The following PPP1R21 variants were observed in gnomAD, a reference collection of about 807,000 sequenced individuals.
PPP1R21 encodes protein phosphatase 1 regulatory subunit 21, also known as KLRAQ motif containing 1.
In PPP1R21, 85 loss-of-function variants were observed where a neutral mutation model predicts 112.8. The ratio of observed to expected loss-of-function variants is 0.75; its 90% CI spans 0.63 to 0.90. PPP1R21 has a LOEUF of 0.90. Among genes scored for constraint, PPP1R21 ranks in the 40% least tolerant of loss-of-function variants. The pLI, the probability that PPP1R21 is intolerant of heterozygous loss-of-function variation, is 0.00. For synonymous variants in PPP1R21, 381 were observed against 322.3 expected (o/e 1.18, Z -1.95); for missense variants, 1,199 against 901.5 (o/e 1.33, Z -4.23).
chr2:48,469,639 T>C (rs959035634), intron 9 of PPP1R21, among the ~76,000 whole-genome samples: 2 of 148,802 alleles, frequency 1.3e-5, no homozygotes, highest in African/African-American at 4.9e-5. Flanking sequence ...TTGTCCATTA[T>C]TGGAATTTTA....
intron 9 of PPP1R21, among the ~76,000 whole-genome samples, chr2:48,468,873 G>T (rs987925528): frequency 5.8e-5 from 8 of 137,196 alleles, no homozygotes; most frequent in Non-Finnish European, 6.5e-5. Context: ...ATATATGTAT[G>T]TGTGTATATA....
At chr2:48,449,581 C>G (rs753784350) in intron 1 of PPP1R21, among the ~76,000 whole-genome samples, 3 of 152,246 alleles carry the variant, frequency 2.0e-5, no homozygotes, top group Non-Finnish European at 4.4e-5. Context: ...TGCATTTTAT[C>G]TCAGAATCTT....
chr2:48,453,471 G>A (rs1667573381), intron 2 of PPP1R21, among the ~76,000 whole-genome samples: 1 of 152,102 alleles, frequency 6.6e-6, no homozygotes. Flanking sequence ...GGGATTACAG[G>A]CATGAGCCAC....
rs762946506 is a variant in PPP1R21 at position 48,459,853 on chromosome 2, G to A, written c.475G>A (p.Asp159Asn). 1.2e-6 allele frequency: 2 copies of A among 1,614,094 alleles called. No individual in the cohort carries two copies. Among genetic ancestry groups the A allele is most frequent in the African/African-American group, 2.7e-5 (2 of 74,930 alleles). ...TEAAQHQAVV[D>N]GLTRKYMETI... ...AGCAGCCCAGCACCAAGCTGTGGTTGACGGTCTCACCCGGAAGTACATGGA... is the reference window on the plus strand; with the variant it reads ...AGCAGCCCAGCACCAAGCTGTGGTTAACGGTCTCACCCGGAAGTACATGGA... The change falls in exon 5 of 22, where the codon GAC becomes AAC. Residue 159 changes from aspartate (D) to asparagine (N), a missense_variant. By Grantham distance (23) the Asp-to-Asn change is conservative. Coordinates refer to ENST00000294952, the MANE Select transcript of PPP1R21 (RefSeq NM_001135629.3).
intron 15 of PPP1R21, 148 bp from the exon 16 acceptor site, chr2:48,495,531 G>A (rs72822239): frequency 0.034 from 18,995 of 560,916 alleles, 457 homozygotes; most frequent in Non-Finnish European, 0.049. Flanking sequence ...AATTATCTTC[G>A]TTTTCACGTG....
intron 21 of PPP1R21, 137 bp from the exon 22 acceptor site, chr2:48,514,578 A>G (rs1474154969): frequency 1.4e-6 from 1 of 699,648 alleles, no homozygotes; most frequent in Admixed American, 2.4e-5. Context: ...TAACAATGCA[A>G]GGTTATCAGC....
chr2:48,462,251 C>A (rs1214933230), intron 7 of PPP1R21, among the ~76,000 whole-genome samples: 1 of 152,188 alleles, frequency 6.6e-6, no homozygotes, highest in Non-Finnish European at 1.5e-5. Context: ...ATTTAAAGAT[C>A]ATTTGCTGAG....
chr2:48,449,056 T>G (rs1487844160), intron 1 of PPP1R21, among the ~76,000 whole-genome samples: 2 of 151,686 alleles, frequency 1.3e-5, no homozygotes, highest in Non-Finnish European at 2.9e-5. Flanking sequence ...ATACTAGTAT[T>G]GCTAGTTATC....
chr2:48,483,220 G>A (rs1408340076), intron 13 of PPP1R21, among the ~76,000 whole-genome samples: 1 of 9,180 alleles, frequency 1.1e-4, no homozygotes, highest in African/African-American at 3.9e-4. Flanking sequence ...TTTTTTTTTT[G>A]AGACAAGTCT....
chr2:48,495,298 G>T (rs1406935865), intron 15 of PPP1R21, among the ~76,000 whole-genome samples: 1 of 152,088 alleles, frequency 6.6e-6, no homozygotes, highest in Non-Finnish European at 1.5e-5. Context: ...CCGCCTCCCA[G>T]GTTCAAGTGA....
At chr2:48,451,097 G>A in intron 2 of PPP1R21, 21 bp downstream of exon 2, 7 of 1,597,934 alleles carry the variant, frequency 4.4e-6, no homozygotes, top group Non-Finnish European at 6.0e-6. Context: ...GGATATTTGT[G>A]TTGTGAGGGT....
Position 48,511,383 on chromosome 2 carries a change from G to A in PPP1R21, c.2228G>A (p.Ser743Asn), listed in dbSNP as rs764505234. 1.2e-6 allele frequency: 2 copies of A among 1,614,088 alleles called. No homozygotes were observed. Among genetic ancestry groups the A allele is most frequent in the Non-Finnish European group, 8.5e-7 (1 of 1,180,008 alleles). ...TTKRSYEDQLSMMSDHLCSMN... is the reference protein window; with the variant it reads ...TTKRSYEDQLNMMSDHLCSMN... The stretch of plus-strand genomic sequence containing the variant: ...AAGAGGAGTTACGAGGATCAGTTAA[G>A]TATGATGAGTGACCACCTGTGCAGC... The change falls in exon 21 of 22, where the codon AGT becomes AAT. Residue 743 changes from serine to asparagine, a missense_variant. Coordinates refer to ENST00000294952, the MANE Select transcript of PPP1R21 (RefSeq NM_001135629.3).
intron 1 of PPP1R21, among the ~76,000 whole-genome samples, chr2:48,445,908 A>G (rs1667225425): frequency 6.6e-6 from 1 of 152,216 alleles, no homozygotes. Flanking sequence ...TTAAAATGTT[A>G]GAACTGGAAG....
At chr2:48,456,417 G>T (rs561097305) in intron 3 of PPP1R21, among the ~76,000 whole-genome samples, 24 of 152,300 alleles carry the variant, frequency 1.6e-4, no homozygotes, top group African/African-American at 4.8e-4. Flanking sequence ...ATGGCCAGAA[G>T]AGCACAGGCT....
chr2:48,440,818 G>T lies in PPP1R21; in HGVS notation c.-136G>T. The T allele has an allele frequency of 7.8e-6, 5 of 643,556 alleles. No homozygotes were observed. Among genetic ancestry groups the T allele is most frequent in the Non-Finnish European group, 1.4e-5 (5 of 364,352 alleles). 39.9% of individuals were successfully genotyped at this position (643,556 alleles called of 1,614,324 possible). A position where few individuals can be genotyped will look rare whatever the true frequency, so the allele number is the denominator to read the frequency against. On this transcript the variant is annotated 5_prime_UTR_variant, in exon 1 of 22. Coordinates refer to ENST00000294952, the MANE Select transcript of PPP1R21 (RefSeq NM_001135629.3). Reference sequence around the variant, plus strand: ...CCGGAAGTGGAGGAGGAGGCGCGGCGGCGGCGGCGGCGGCGGCTGCGGTGG... The same window carrying T: ...CCGGAAGTGGAGGAGGAGGCGCGGCTGCGGCGGCGGCGGCGGCTGCGGTGG...
intron 16 of PPP1R21, among the ~76,000 whole-genome samples, chr2:48,496,205 A>C (rs1340185438): frequency 6.6e-6 from 1 of 151,954 alleles, no homozygotes; most frequent in African/African-American, 2.4e-5. Flanking sequence ...TGTCTTTTTC[A>C]GAAAAAAAGG....
chr2:48,500,012 G>T lies in PPP1R21; in HGVS notation c.1935+1277G>T, dbSNP rs961035620. ...TGCTTCTTGAAGACCCTGTCCTAAG[G>T]TGTGTGCTTTTCTGCTGACTTTACT... On this transcript the variant is annotated intron_variant, in intron 17 of 21. Coordinates refer to ENST00000294952, the MANE Select transcript of PPP1R21 (RefSeq NM_001135629.3). Among the ~76,000 whole-genome samples the T allele has an allele frequency of 2.0e-5, 3 of 152,204 alleles. No individual in the cohort carries two copies. In the South Asian group the frequency reaches 6.2e-4, roughly 32 times the overall value.
Position 48,491,051 on chromosome 2 carries a change from T to G in PPP1R21, c.1480T>G (p.Phe494Val). The change falls in exon 15 of 22, where the codon TTC becomes GTC. Residue 494 changes from phenylalanine (F) to valine (V), a missense_variant. By Grantham distance (50) the Phe-to-Val change is conservative. Transcript: ENST00000294952. ...CTTCTTCAGCAACAATTTGGACTAC[T>G]TCATTGCTTCACTGAGCTATGGACC... is the stretch of plus-strand genomic sequence containing the variant. Reference protein sequence around the residue: ...ASFFSNNLDYFIASLSYGPKA... With the variant: ...ASFFSNNLDYVIASLSYGPKA... 1 of 1,614,150 alleles carries G rather than the reference T, an allele frequency of 6.2e-7. No homozygotes were observed. Among genetic ancestry groups the G allele is most frequent in the Non-Finnish European group, 8.5e-7 (1 of 1,179,966 alleles).
At chr2:48,469,226 T>A (rs1333144113) in intron 9 of PPP1R21, among the ~76,000 whole-genome samples, 1 of 145,274 alleles carries the variant, frequency 6.9e-6, no homozygotes, top group African/African-American at 2.6e-5. Context: ...GAGATTTGGG[T>A]GGGGACACAG....
Sources: gnomAD v4.1 joint callset for allele counts (sites outside exome capture counted in the v4.1 genomes callset) on GRCh38, gnomAD v4.1.1 for gene constraint, MANE v1.5 for transcripts, NCBI Gene and HGNC (gene_info 2026-07-23, HGNC 2026-07-21) for gene names.